ZNF536: variants seen among roughly 807,000 people sequenced by gnomAD.
ZNF536 encodes the protein zinc finger protein 536.
ZNF536 carries 13 observed loss-of-function variants against 84.5 expected under a neutral mutation model. The observed-to-expected ratio is 0.15, with a 90% CI of 0.10 to 0.24. The LOEUF is 0.24. ZNF536 is among the 10% of genes least tolerant of loss of function. The probability of loss-of-function intolerance (pLI) is 1.00; values close to 1 mark genes in which losing one functional copy is unlikely to be tolerated. For synonymous variants in ZNF536, 811 were observed against 742.5 expected, an observed-to-expected ratio of 1.09 and a Z score of -1.50; for missense variants, 1,536 against 1,747.5, an observed-to-expected ratio of 0.88 and a Z score of 2.16.
At chr19:30,538,468 A>T (rs2145997202) in intron 3 of ZNF536, among the ~76,000 whole-genome samples, 1 of 152,220 alleles carries the variant, frequency 6.6e-6, no homozygotes, top group Admixed American at 6.5e-5. Context: ...GCATTAACTC[A>T]ATTACTGTTT....
chr19:30,437,936 T>G (rs995772433), intron 1 of ZNF536, among the ~76,000 whole-genome samples: 10 of 152,222 alleles, frequency 6.6e-5, no homozygotes, highest in Non-Finnish European at 1.3e-4. Flanking sequence ...CTGTTCTCAC[T>G]GTTTAGTAGT....
chr19:30,333,165 A>ATAAGTAAG (rs35523629), intron 2 of ZNF536, among the ~76,000 whole-genome samples: 2 of 151,524 alleles, frequency 1.3e-5, no homozygotes, highest in Non-Finnish European at 1.5e-5. Context: ...AAATAAATTA[A>ATAAGTAAG]TAAGTAAGTA....
intron 2 of ZNF536, among the ~76,000 whole-genome samples, chr19:30,452,519 C>G (rs770666468): frequency 6.6e-6 from 1 of 152,120 alleles, no homozygotes; most frequent in Non-Finnish European, 1.5e-5. Flanking sequence ...ATACTGGCCT[C>G]GATATTCCAC....
At chr19:30,710,739 C>G (rs1172329102) in intron 1 of ZNF536, 1 of 152,154 alleles carries the variant, frequency 6.6e-6, no homozygotes, top group East Asian at 1.9e-4. Context: ...GCTGACCGGC[C>G]ACTCTTTCTG....
intron 2 of ZNF536, among the ~76,000 whole-genome samples, chr19:30,296,462 G>A (rs1306618709): frequency 1.3e-5 from 2 of 152,216 alleles, no homozygotes; most frequent in African/African-American, 4.8e-5. Context: ...AATGGGCAGG[G>A]AGGTTCCTCC....
At chr19:30,489,860 A>G (rs903119292) in intron 2 of ZNF536, among the ~76,000 whole-genome samples, 15 of 152,196 alleles carry the variant, frequency 9.9e-5, no homozygotes. Context: ...GCTGAATAGA[A>G]TGTGAAAGTT....
At chr19:30,360,092 C>A (rs2048226417) in intron 3 of ZNF536, among the ~76,000 whole-genome samples, 1 of 152,192 alleles carries the variant, frequency 6.6e-6, no homozygotes, top group Non-Finnish European at 1.5e-5. Context: ...GGTGGCCCAG[C>A]ATCTTCAGAG....
intron 1 of ZNF536, among the ~76,000 whole-genome samples, chr19:30,268,762 GCTT>G (rs2025658901): frequency 1.3e-5 from 2 of 152,148 alleles, no homozygotes; most frequent in South Asian, 4.1e-4. Flanking sequence ...ATTCCTCGCC[GCTT>G]CAGTGGAAAA....
At chr19:30,610,910 T>C (rs942224354) in intron 1 of ZNF536, among the ~76,000 whole-genome samples, 3 of 152,238 alleles carry the variant, frequency 2.0e-5, no homozygotes, top group Non-Finnish European at 4.4e-5. Context: ...TGGAGCATTG[T>C]TTCTTGAAGA....
chr19:30,590,150 G>A (rs1193785629), intron 1 of ZNF536, among the ~76,000 whole-genome samples: 1 of 152,214 alleles, frequency 6.6e-6, no homozygotes, highest in Non-Finnish European at 1.5e-5. Flanking sequence ...TCAACCCATG[G>A]AGGTTCTTCA....
At chr19:30,628,459 C>T (rs1456835653) in intron 1 of ZNF536, among the ~76,000 whole-genome samples, 40 of 147,004 alleles carry the variant, frequency 2.7e-4, no homozygotes, top group Middle Eastern at 3.7e-3. Flanking sequence ...GACAGAGTCT[C>T]GCTCTGTCGC....
At chr19:30,620,952 CTT>C (rs947265225) in intron 1 of ZNF536, among the ~76,000 whole-genome samples, 1 of 151,148 alleles carries the variant, frequency 6.6e-6, no homozygotes, top group African/African-American at 2.4e-5. Context: ...TTATAATAGT[CTT>C]TATATTTTTA....
downstream of ZNF536, among the ~76,000 whole-genome samples, chr19:30,560,339 C>T (rs1466671741): frequency 6.6e-6 from 1 of 151,940 alleles, no homozygotes; most frequent in Non-Finnish European, 1.5e-5. Context: ...CATAAACCAT[C>T]ATCCATCCCT....
chr19:30,629,982 G>T (rs1487620045), intron 1 of ZNF536, among the ~76,000 whole-genome samples: 1 of 152,216 alleles, frequency 6.6e-6, no homozygotes, highest in African/African-American at 2.4e-5. Flanking sequence ...CCACTCCCTT[G>T]TTTCTGCCAG....
chr19:30,364,171 G>T (rs765953231), intron 3 of ZNF536, among the ~76,000 whole-genome samples: 1 of 152,164 alleles, frequency 6.6e-6, no homozygotes, highest in Non-Finnish European at 1.5e-5. Context: ...ATATAGCCAA[G>T]AATGGAGCCG....
chr19:30,586,371 T>C (rs2047094913), intron 1 of ZNF536, among the ~76,000 whole-genome samples: 1 of 152,218 alleles, frequency 6.6e-6, no homozygotes, highest in South Asian at 2.1e-4. Context: ...CCATGTTCTA[T>C]TGCATGTTAG....
chr19:30,578,696 T>G (rs1310171295), intron 1 of ZNF536, among the ~76,000 whole-genome samples: 2 of 152,228 alleles, frequency 1.3e-5, no homozygotes, highest in Non-Finnish European at 2.9e-5. Flanking sequence ...AAGAAACATC[T>G]AGGTTGGAAA....
intron 2 of ZNF536, among the ~76,000 whole-genome samples, chr19:30,476,340 T>C (rs546936767): frequency 2.0e-5 from 3 of 152,290 alleles, no homozygotes; most frequent in South Asian, 4.1e-4. Context: ...ATGAGAAAAG[T>C]GAAATTTAGG....
intron 1 of ZNF536, among the ~76,000 whole-genome samples, chr19:30,695,193 G>T (rs2051605447): frequency 6.6e-6 from 1 of 152,132 alleles, no homozygotes; most frequent in Non-Finnish European, 1.5e-5. Flanking sequence ...GCAGGGGAGG[G>T]TGCTCCAGGG....
Sources: gnomAD v4.1 joint callset for allele counts (sites outside exome capture counted in the v4.1 genomes callset) on GRCh38, gnomAD v4.1.1 for gene constraint, MANE v1.5 for transcripts, NCBI Gene and HGNC (gene_info 2026-07-23, HGNC 2026-07-21) for gene names.